C12orf42: variants seen among roughly 807,000 people sequenced by gnomAD.
C12orf42 encodes uncharacterized protein C12orf42.
Under a neutral mutation model 21.6 loss-of-function variants are expected in C12orf42, and 25 were observed. The ratio of observed to expected loss-of-function variants is 1.16; its 90% CI spans 0.84 to 1.62. The LOEUF (loss-of-function observed/expected upper bound fraction) is 1.62, where lower values mean the gene tolerates loss of function less well. Among genes scored for constraint, C12orf42 ranks in the 40% most tolerant of loss-of-function variants. The pLI, the probability that C12orf42 is intolerant of heterozygous loss-of-function variation, is 0.00. For missense variants in C12orf42, 483 were observed against 459.3 expected, an observed-to-expected ratio of 1.05 and a Z score of -0.47; for synonymous variants, 174 against 175.0, an observed-to-expected ratio of 0.99 and a Z score of 0.05.
chr12:103,238,985 G>A (rs1186110459), intron 10 of C12orf42, among the ~76,000 whole-genome samples: 1 of 152,188 alleles, frequency 6.6e-6, no homozygotes, highest in Non-Finnish European at 1.5e-5. Context: ...CTGTGGCTGG[G>A]CCATTGGGCT....
chr12:103,512,996 C>T, the C12orf42 span, among the ~76,000 whole-genome samples: 24 of 147,108 alleles, frequency 1.6e-4, no homozygotes, highest in African/African-American at 5.1e-4. Context: ...AGTGAGACTC[C>T]ATATCAAAAA....
chr12:103,363,288 AAACAAATGCTG>A (rs1057060030), intron 4 of C12orf42, among the ~76,000 whole-genome samples: 1 of 152,174 alleles, frequency 6.6e-6, no homozygotes, highest in Non-Finnish European at 1.5e-5. Flanking sequence ...TTTTTCAGAC[AAACAAATGCTG>A]AAGTAATTTG....
At chr12:103,221,230 T>A in the C12orf42 span, among the ~76,000 whole-genome samples, 1 of 152,236 alleles carries the variant, frequency 6.6e-6, no homozygotes, top group Non-Finnish European at 1.5e-5. Flanking sequence ...TATCAACACT[T>A]GTACTTCTGT....
rs1480956970 is a variant in C12orf42, at chr12:103,306,067, C to A, written c.538G>T (p.Val180Leu). 1.2e-6 allele frequency: 2 copies of A among 1,613,878 alleles called. No homozygotes were observed. Among genetic ancestry groups the A allele is most frequent in the African/African-American group, 2.7e-5 (2 of 74,938 alleles). The change falls in exon 5 of 6, where the codon GTA becomes TTA. Residue 180 changes from valine (V) to leucine (L), a missense_variant. Coordinates refer to ENST00000548883, the MANE Select transcript of C12orf42 (RefSeq NM_198521.5). ...LVKKPNWAHS[V>L]NPVHLEAQGI... The stretch of plus-strand genomic sequence containing the variant: ...TGAGCCTCCAGGTGAACAGGATTTA[C>A]TGAGTGTGCCCAGTTAGGCTTTTTA...
the C12orf42 span, among the ~76,000 whole-genome samples, chr12:103,171,367 A>G: frequency 6.6e-6 from 1 of 152,202 alleles, no homozygotes; most frequent in Non-Finnish European, 1.5e-5. Context: ...GAGGCCCTCT[A>G]TAAATATTTG....
At chr12:103,476,479 T>C (rs1383304042) in intron 2 of C12orf42, among the ~76,000 whole-genome samples, 1 of 152,162 alleles carries the variant, frequency 6.6e-6, no homozygotes. Context: ...GTGTTAACTA[T>C]TGGATTCCCA....
the C12orf42 span, among the ~76,000 whole-genome samples, chr12:103,083,701 T>G: frequency 1.5e-4 from 23 of 152,348 alleles, no homozygotes; most frequent in African/African-American, 5.5e-4. Context: ...AATCAGGTCT[T>G]CTGTGGCTTT....
chr12:103,092,685 T>C, the C12orf42 span, among the ~76,000 whole-genome samples: 1 of 152,214 alleles, frequency 6.6e-6, no homozygotes, highest in Non-Finnish European at 1.5e-5. Flanking sequence ...TAGAATATCA[T>C]GAAGTACCAA....
chr12:103,268,026 A>G (rs1467041763), downstream of C12orf42: 1 of 152,178 alleles, frequency 6.6e-6, no homozygotes, highest in Non-Finnish European at 1.5e-5. Context: ...AATTAATAGT[A>G]TTTTGAAAAT....
intron 2 of C12orf42, among the ~76,000 whole-genome samples, chr12:103,455,185 TAGAG>T (rs1233912400): frequency 2.0e-5 from 3 of 152,148 alleles, no homozygotes; most frequent in African/African-American, 4.8e-5. Context: ...AGTGGCTATA[TAGAG>T]AGTCAATGTA....
chr12:103,331,008 T>G (rs973639883), intron 4 of C12orf42, among the ~76,000 whole-genome samples: 2 of 152,220 alleles, frequency 1.3e-5, no homozygotes, highest in African/African-American at 4.8e-5. Flanking sequence ...AATACATGGC[T>G]TTTTCTTAAT....
chr12:103,091,173 A>G, the C12orf42 span, among the ~76,000 whole-genome samples: 2 of 152,184 alleles, frequency 1.3e-5, no homozygotes, highest in African/African-American at 4.8e-5. Flanking sequence ...TTCATGTGGG[A>G]TTGGGAGCTG....
downstream of C12orf42, among the ~76,000 whole-genome samples, chr12:103,236,555 A>T (rs2033472808): frequency 6.6e-6 from 1 of 152,216 alleles, no homozygotes; most frequent in Admixed American, 6.5e-5. Flanking sequence ...TTAAAACAGC[A>T]GTGGGTGCAT....
chr12:103,280,488 A>G (rs1406536289), intron 4 of C12orf42, among the ~76,000 whole-genome samples: 1 of 151,852 alleles, frequency 6.6e-6, no homozygotes, highest in African/African-American at 2.4e-5. Context: ...GCATGGTAGC[A>G]TGCACCTGTA....
chr12:103,469,361 G>A (rs1953404297), intron 2 of C12orf42, among the ~76,000 whole-genome samples: 1 of 152,026 alleles, frequency 6.6e-6, no homozygotes, highest in Non-Finnish European at 1.5e-5. Flanking sequence ...ATAGATTTTT[G>A]AAAAACAGAA....
At chr12:103,356,135 C>A in intron 4 of C12orf42, among the ~76,000 whole-genome samples, 1 of 152,042 alleles carries the variant, frequency 6.6e-6, no homozygotes, top group East Asian at 1.9e-4. Flanking sequence ...AGCTTCTGTT[C>A]CTTCCCTACC....
At chr12:103,466,925 T>C (rs2137790831) in intron 2 of C12orf42, among the ~76,000 whole-genome samples, 1 of 152,294 alleles carries the variant, frequency 6.6e-6, no homozygotes, top group African/African-American at 2.4e-5. Flanking sequence ...CAGAGCCAAG[T>C]CACCCAGTCT....
chr12:103,376,616 G>A (rs2045719560), intron 3 of C12orf42, among the ~76,000 whole-genome samples: 1 of 152,078 alleles, frequency 6.6e-6, no homozygotes, highest in South Asian at 2.1e-4. Flanking sequence ...TCAAAAGCTG[G>A]TGTAGTCTGA....
chr12:103,304,792 G>C (rs2038100704), intron 5 of C12orf42, among the ~76,000 whole-genome samples: 1 of 152,192 alleles, frequency 6.6e-6, no homozygotes, highest in Admixed American at 6.5e-5. Context: ...CCAGAAACAA[G>C]GGAATCTCTG....
Sources: allele counts gnomAD v4.1 joint callset (sites outside exome capture counted in the v4.1 genomes callset), GRCh38; gene constraint gnomAD v4.1.1; transcripts MANE v1.5; gene names NCBI Gene and HGNC (gene_info 2026-07-23, HGNC 2026-07-21).